The following GPC6 variants were observed in gnomAD, a reference collection of about 807,000 sequenced individuals.
The protein encoded by GPC6 is glypican 6.
A neutral mutation model predicts 55.2 loss-of-function variants in GPC6; 14 were observed. The ratio of observed to expected loss-of-function variants is 0.25; its 90% CI spans 0.17 to 0.40. The LOEUF is 0.40. Ranked by LOEUF, GPC6 falls within the 10% of genes least tolerant of loss-of-function variation. GPC6 has a pLI of 1.00. For synonymous variants in GPC6, 278 were observed against 259.6 expected (o/e 1.07, Z -0.68); for missense variants, 641 against 708.5 (o/e 0.90, Z 1.08).
chr13:93,250,375 T>C (rs961617360), intron 1 of GPC6, among the ~76,000 whole-genome samples: 1 of 152,182 alleles, frequency 6.6e-6, no homozygotes, highest in African/African-American at 2.4e-5. Context: ...CCTGCATATC[T>C]GGGGGTGGTA....
chr13:93,838,794 A>G (rs1887837626), intron 3 of GPC6, among the ~76,000 whole-genome samples: 1 of 152,084 alleles, frequency 6.6e-6, no homozygotes, highest in Non-Finnish European at 1.5e-5. Flanking sequence ...CCAGCTCAAC[A>G]GCCACGATGC....
At chr13:93,851,687 A>T (rs1888407166) in intron 3 of GPC6, among the ~76,000 whole-genome samples, 2 of 151,884 alleles carry the variant, frequency 1.3e-5, no homozygotes, top group Non-Finnish European at 2.9e-5. Flanking sequence ...AATGATGTTG[A>T]AAAACAGCAT....
intron 6 of GPC6, among the ~76,000 whole-genome samples, chr13:94,310,947 T>C (rs1876212620): frequency 6.6e-6 from 1 of 152,136 alleles, no homozygotes; most frequent in African/African-American, 2.4e-5. Flanking sequence ...CCCTCATGCA[T>C]AAGGTGCTAA....
chr13:93,623,278 G>T (rs1444776851), intron 2 of GPC6, among the ~76,000 whole-genome samples: 1 of 151,766 alleles, frequency 6.6e-6, no homozygotes, highest in Non-Finnish European at 1.5e-5. Flanking sequence ...CATTTCCTTT[G>T]GATAAATGCC....
chr13:93,231,359 ACG>A lies in GPC6; in HGVS notation c.160+3744_160+3745del, dbSNP rs112898610. ...TATATATATATACATATATATATAT[ACG>A]TATATATATATATATATACATATAT... On this transcript the variant is annotated intron_variant, in intron 1 of 8. Transcript: ENST00000377047. Among the ~76,000 whole-genome samples the A allele has an allele frequency of 3.2e-3, 74 of 23,162 alleles. 1 individual carries two copies. Among genetic ancestry groups the A allele is most frequent in the African/African-American group, 8.2e-3 (37 of 4,500 alleles). The allele number at this position is 23,162 out of a possible 152,430, so 15.2% of individuals were successfully genotyped here. A position where few individuals can be genotyped will look rare whatever the true frequency, so the allele number is the denominator to read the frequency against.
At chr13:93,444,335 G>A (rs1877917208) in intron 1 of GPC6, among the ~76,000 whole-genome samples, 1 of 151,812 alleles carries the variant, frequency 6.6e-6, no homozygotes, top group East Asian at 1.9e-4. Context: ...CTACCCTGGC[G>A]CCGTGTCTCA....
chr13:93,558,534 A>G (rs1875597082), intron 2 of GPC6, among the ~76,000 whole-genome samples: 1 of 152,188 alleles, frequency 6.6e-6, no homozygotes, highest in Non-Finnish European at 1.5e-5. Context: ...GAGATGGGAA[A>G]TTACTAGTGA....
chr13:93,677,799 A>G (rs1194208159), intron 2 of GPC6, among the ~76,000 whole-genome samples: 1 of 152,152 alleles, frequency 6.6e-6, no homozygotes, highest in Non-Finnish European at 1.5e-5. Flanking sequence ...TTTGGAGGTA[A>G]GATAATTTCT....
chr13:93,601,455 C>G (rs1019164827), intron 2 of GPC6, among the ~76,000 whole-genome samples: 1 of 152,074 alleles, frequency 6.6e-6, no homozygotes, highest in Non-Finnish European at 1.5e-5. Context: ...TTCATACTTT[C>G]GAATAGATGA....
intron 4 of GPC6, among the ~76,000 whole-genome samples, chr13:94,272,635 A>AT (rs564617619): frequency 7.0e-4 from 106 of 151,312 alleles, no homozygotes; most frequent in African/African-American, 2.3e-3. Context: ...CGCCCGGCTA[A>AT]TTTTTTGTAT....
At chr13:93,422,660 G>C (rs369894370) in intron 1 of GPC6, among the ~76,000 whole-genome samples, 1 of 152,132 alleles carries the variant, frequency 6.6e-6, no homozygotes, top group Non-Finnish European at 1.5e-5. Context: ...CAGAACAAAA[G>C]ACAGGCAGAT....
chr13:94,371,727 T>C (rs1398378878), intron 6 of GPC6, among the ~76,000 whole-genome samples: 1 of 152,162 alleles, frequency 6.6e-6, no homozygotes, highest in Non-Finnish European at 1.5e-5. Flanking sequence ...TTTTCAATAC[T>C]GAAATGGTGG....
At position 93,606,395 on chromosome 13, in the gene GPC6, A is replaced by C. The variant is rs565460388; in HGVS notation, c.319+60974A>C. On this transcript the variant is annotated intron_variant, in intron 2 of 8. Transcript: ENST00000377047. ...TTTTGATAGCTCAGATATACAGGTA[A>C]GGAGGGCAATCATATGTTCACATTT... Among the ~76,000 whole-genome samples the C allele has an allele frequency of 1.4e-4, 22 of 152,346 alleles. 1 individual carries two copies. The highest frequency in any genetic ancestry group is 5.1e-4 in the African/African-American group (21 of 41,578).
intron 1 of GPC6, among the ~76,000 whole-genome samples, chr13:93,471,523 A>T (rs1879115490): frequency 6.6e-6 from 1 of 152,206 alleles, no homozygotes; most frequent in Non-Finnish European, 1.5e-5. Context: ...TCCATCTCAA[A>T]AGAAAAAAAA....
chr13:93,345,777 T>G (rs2139157037), intron 1 of GPC6, among the ~76,000 whole-genome samples: 1 of 152,324 alleles, frequency 6.6e-6, no homozygotes, highest in Middle Eastern at 3.4e-3. Context: ...TAAACCTATT[T>G]TTTATTAAAT....
chr13:93,668,899 A>G (rs1881249014), intron 2 of GPC6, among the ~76,000 whole-genome samples: 1 of 152,210 alleles, frequency 6.6e-6, no homozygotes, highest in African/African-American at 2.4e-5. Flanking sequence ...GATACATGTA[A>G]TGGATTTCAA....
rs1880934272 is a variant in GPC6 at position 93,358,549 on chromosome 13, C to G, written c.160+130933C>G. On this transcript the variant is annotated intron_variant, in intron 1 of 8. Coordinates refer to ENST00000377047, the MANE Select transcript of GPC6 (RefSeq NM_005708.5). ...TAAGTAGCAGAGTGGGAATTTGAACCTATGCAGCATGACTCTAAAGCCTAC... is the reference window on the plus strand; with the variant it reads ...TAAGTAGCAGAGTGGGAATTTGAACGTATGCAGCATGACTCTAAAGCCTAC... Among the ~76,000 whole-genome samples, 4 of 152,102 alleles carry G rather than the reference C, an allele frequency of 2.6e-5. No individual in the cohort carries two copies. In the South Asian group the frequency reaches 8.3e-4, roughly 32 times the overall value.
intron 1 of GPC6, among the ~76,000 whole-genome samples, chr13:93,389,153 G>A (rs535655889): frequency 6.6e-6 from 1 of 152,120 alleles, no homozygotes; most frequent in Non-Finnish European, 1.5e-5. Context: ...GTAGCTGGAA[G>A]GATGAATGGG....
chr13:94,021,288 C>T (rs1882687150), intron 3 of GPC6, among the ~76,000 whole-genome samples: 1 of 148,490 alleles, frequency 6.7e-6, no homozygotes, highest in Non-Finnish European at 1.5e-5. Flanking sequence ...ATACTTTTAA[C>T]TTTCACATAT....
Sources: gnomAD v4.1 joint callset for allele counts (sites outside exome capture counted in the v4.1 genomes callset) on GRCh38, gnomAD v4.1.1 for gene constraint, MANE v1.5 for transcripts, NCBI Gene and HGNC (gene_info 2026-07-23, HGNC 2026-07-21) for gene names.